The following GPBP1L1 variants were observed in gnomAD, a reference collection of about 807,000 sequenced individuals.
The protein encoded by GPBP1L1 is vasculin-like protein 1.
Under a neutral mutation model 52.5 loss-of-function variants are expected in GPBP1L1, and 23 were observed. The ratio of observed to expected loss-of-function variants is 0.44; its 90% CI spans 0.32 to 0.62. The LOEUF (loss-of-function observed/expected upper bound fraction) is 0.62. GPBP1L1 is among the 20% of genes least tolerant of loss of function. The probability of loss-of-function intolerance (pLI) is 0.06; values close to 1 mark genes in which losing one functional copy is unlikely to be tolerated. For missense variants in GPBP1L1, 596 were observed against 579.3 expected (o/e 1.03, Z -0.30); for synonymous variants, 243 against 203.1 (o/e 1.20, Z -1.67).
intron 11 of GPBP1L1, 61 bp downstream of exon 11, chr1:45,630,421 A>G: frequency 6.4e-7 from 1 of 1,571,872 alleles, no homozygotes; most frequent in Non-Finnish European, 8.7e-7. Flanking sequence ...TATCTTCTCC[A>G]GTATGTTCAA....
chr1:45,668,845 C>T (rs1291692649), intron 2 of GPBP1L1, among the ~76,000 whole-genome samples: 1 of 135,700 alleles, frequency 7.4e-6, no homozygotes, highest in Non-Finnish European at 1.6e-5. Flanking sequence ...TGGTGGTGGG[C>T]GCCTACTTGG....
rs199997621 is a variant in GPBP1L1, at chr1:45,639,694, G to T, written c.744+516C>A. Among the ~76,000 whole-genome samples, 450 of 151,960 alleles carry T rather than the reference G, an allele frequency of 3.0e-3. 3 individuals carry two copies. Among genetic ancestry groups the T allele is most frequent in the East Asian group, 0.022 (112 of 5,168 alleles). On this transcript the variant is annotated intron_variant, in intron 8 of 12. Transcript: ENST00000355105. ...GATTGAGACCATCCTGGCTAACAAC[G>T]GTGAAACCCCGTCTCTACTAAAAAT...
At chr1:45,630,297 T>C (rs1359285468) in intron 11 of GPBP1L1, among the ~76,000 whole-genome samples, 185 bp downstream of exon 11, 1 of 152,192 alleles carries the variant, frequency 6.6e-6, no homozygotes, top group Admixed American at 6.5e-5. Context: ...GTGGAAAAGA[T>C]GGCTGAGTTT....
rs1644504923 is a variant in GPBP1L1, at chr1:45,629,654, C to T, written c.1194G>A (p.Gln398=). The T allele has an allele frequency of 6.2e-7, 1 of 1,612,626 alleles. No individual in the cohort carries two copies. The highest frequency in any genetic ancestry group is 8.5e-7 in the Non-Finnish European group (1 of 1,178,736). ...AATTCTCATCATTTTCAGGATATTCCTGCCAACCCATAGCTTTCAATAACC... is the reference window on the plus strand; with the variant it reads ...AATTCTCATCATTTTCAGGATATTCTTGCCAACCCATAGCTTTCAATAACC... ...EHRLLKAMGW[Q]EYPENDENCL... Residue 398 remains glutamine (Q), a synonymous_variant, in exon 12 of 13, where the codon CAG becomes CAA. Coordinates refer to ENST00000355105, the MANE Select transcript of GPBP1L1 (RefSeq NM_021639.5).
intron 6 of GPBP1L1, 64 bp from the exon 7 acceptor site, chr1:45,642,563 G>A: frequency 8.3e-7 from 1 of 1,198,100 alleles, no homozygotes; most frequent in African/African-American, 1.5e-5. Context: ...TTTTCACAAA[G>A]TAGCCATCAC....
At chr1:45,675,480 G>C (rs138905977) in intron 2 of GPBP1L1, among the ~76,000 whole-genome samples, 65 of 152,232 alleles carry the variant, frequency 4.3e-4, no homozygotes, top group Non-Finnish European at 8.1e-4. Context: ...TATTTAGTGG[G>C]TGCCCAATAA....
intron 4 of GPBP1L1, among the ~76,000 whole-genome samples, chr1:45,657,406 T>C (rs572377541): frequency 5.0e-4 from 76 of 152,142 alleles, no homozygotes; most frequent in Non-Finnish European, 8.1e-4. Flanking sequence ...AGTGGTACTG[T>C]GCGCCTGTAA....
chr1:45,672,595 G>A (rs1164354132), intron 2 of GPBP1L1, among the ~76,000 whole-genome samples: 1 of 152,144 alleles, frequency 6.6e-6, no homozygotes, highest in Non-Finnish European at 1.5e-5. Flanking sequence ...GTAGATAGCT[G>A]GATAAGAGTC....
At position 45,628,167 on chromosome 1, in the gene GPBP1L1, A is replaced by C; in HGVS notation, c.*89T>G. The C allele has an allele frequency of 1.6e-6, 2 of 1,241,118 alleles. No homozygotes were observed. Among genetic ancestry groups the C allele is most frequent in the Non-Finnish European group, 2.3e-6 (2 of 872,254 alleles). 76.9% of individuals were successfully genotyped at this position (1,241,118 alleles called of 1,614,324 possible). A position where few individuals can be genotyped will look rare whatever the true frequency, so the allele number is the denominator to read the frequency against. On this transcript the variant is annotated 3_prime_UTR_variant, in exon 13 of 13. Coordinates refer to ENST00000355105, the MANE Select transcript of GPBP1L1 (RefSeq NM_021639.5). Reference sequence around the variant, plus strand: ...CCTTGTGAATGAAGTATTCAACAACATAAGAAAAGGAAAAGAACGATTTCT... The same window carrying C: ...CCTTGTGAATGAAGTATTCAACAACCTAAGAAAAGGAAAAGAACGATTTCT...
At chr1:45,629,863 TCTTCACAGTTG>T in intron 11 of GPBP1L1, 185 bp from the exon 12 acceptor site, 1 of 459,784 alleles carries the variant, frequency 2.2e-6, no homozygotes, top group Non-Finnish European at 4.2e-6. Flanking sequence ...AAATGGAGGC[TCTTCACAGTTG>T]AGAGAGGAAG....
intron 10 of GPBP1L1, among the ~76,000 whole-genome samples, 162 bp downstream of exon 10, chr1:45,633,327 T>TAAACTC (rs1298167896): frequency 6.6e-5 from 10 of 152,206 alleles, no homozygotes. Context: ...AAAAAAGGAT[T>TAAACTC]AAACTCACTT....
chr1:45,674,496 C>G (rs780273869), intron 2 of GPBP1L1, among the ~76,000 whole-genome samples: 7 of 152,206 alleles, frequency 4.6e-5, no homozygotes, highest in Non-Finnish European at 1.0e-4. Context: ...CCTGTGATTA[C>G]AGATGGTCCC....
intron 4 of GPBP1L1, among the ~76,000 whole-genome samples, chr1:45,657,560 CA>C (rs1644899867): frequency 6.6e-6 from 1 of 151,958 alleles, no homozygotes; most frequent in South Asian, 2.1e-4. Flanking sequence ...CAAAAATCCC[CA>C]AATGAAGTTT....
chr1:45,633,523 A>G lies in GPBP1L1; in HGVS notation c.1010T>C (p.Phe337Ser). ...CTTGTCACAGTCTCTATTCTCTGAGAAGTCTCCATTCCGGTCATCCTTCAG... is the reference window on the plus strand; with the variant it reads ...CTTGTCACAGTCTCTATTCTCTGAGGAGTCTCCATTCCGGTCATCCTTCAG... The part of the protein sequence containing the change: ...KTLKDDRNGD[F>S]SENRDCDKLE... The change falls in exon 10 of 13, where the codon TTC (phenylalanine) becomes TCC (serine). Residue 337 changes from phenylalanine to serine, a missense_variant. By Grantham distance (155) the Phe-to-Ser change is radical. Transcript: ENST00000355105. 1 of 1,613,978 alleles carries G rather than the reference A, an allele frequency of 6.2e-7. No homozygotes were observed. The highest frequency in any genetic ancestry group is 8.5e-7 in the Non-Finnish European group (1 of 1,179,994).
rs981590775 is a variant in GPBP1L1 at position 45,679,844 on chromosome 1, A to G, written c.-1098+5732T>C. Among the ~76,000 whole-genome samples, 4 of 148,590 alleles carry G rather than the reference A, an allele frequency of 2.7e-5. No homozygotes were observed. In the Admixed American group the frequency reaches 2.7e-4, roughly 10 times the overall value. Reference sequence around the variant, plus strand: ...AAGATGGGAGGAATTGCTTGAGTCCAGAAGTTCAAGAGCAGCCTGGACAAC... The same window carrying G: ...AAGATGGGAGGAATTGCTTGAGTCCGGAAGTTCAAGAGCAGCCTGGACAAC... On this transcript the variant is annotated intron_variant, in intron 2 of 12. Transcript: ENST00000355105.
At chr1:45,683,208 T>A (rs1449588618) in intron 2 of GPBP1L1, among the ~76,000 whole-genome samples, 2 of 76,288 alleles carry the variant, frequency 2.6e-5, no homozygotes, top group Admixed American at 1.4e-4. Context: ...TAGGCCTTTT[T>A]TTTTTTTTTT....
chr1:45,629,016 G>A (rs762721490), intron 12 of GPBP1L1, among the ~76,000 whole-genome samples: 4 of 152,196 alleles, frequency 2.6e-5, no homozygotes, highest in Non-Finnish European at 5.9e-5. Context: ...ATCAGCTTGT[G>A]CCATGCCCCT....
At chr1:45,628,716 T>G (rs1183444661) in intron 12 of GPBP1L1, among the ~76,000 whole-genome samples, 1 of 152,206 alleles carries the variant, frequency 6.6e-6, no homozygotes, top group Non-Finnish European at 1.5e-5. Context: ...CAGGCTAGAG[T>G]GCAATGGCAC....
At chr1:45,678,119 G>T (rs8179296) in intron 2 of GPBP1L1, among the ~76,000 whole-genome samples, 3 of 151,986 alleles carry the variant, frequency 2.0e-5, no homozygotes, top group African/African-American at 4.8e-5. Context: ...CAGAGAGAGA[G>T]AAAGTAGATT....
Sources: gnomAD v4.1 joint callset for allele counts (sites outside exome capture counted in the v4.1 genomes callset) on GRCh38, gnomAD v4.1.1 for gene constraint, MANE v1.5 for transcripts, NCBI Gene and HGNC (gene_info 2026-07-23, HGNC 2026-07-21) for gene names.